Variants in HK1 observed in about 807,000 individuals in gnomAD.
HK1 encodes hexokinase 1.
Under a neutral mutation model 91.6 loss-of-function variants are expected in HK1, and 28 were observed. The ratio of observed to expected loss-of-function variants is 0.31; its 90% CI spans 0.23 to 0.42. The LOEUF is 0.42. Among genes scored for constraint, HK1 ranks in the 10% least tolerant of loss-of-function variants. The probability of loss-of-function intolerance (pLI) is 1.00; values close to 1 mark genes in which losing one functional copy is unlikely to be tolerated. For missense variants in HK1, 770 were observed against 1,219.8 expected, an observed-to-expected ratio of 0.63 and a Z score of 5.49; for synonymous variants, 430 against 468.1, an observed-to-expected ratio of 0.92 and a Z score of 1.05.
intron 1 of HK1, among the ~76,000 whole-genome samples, chr10:69,341,479 T>TA (rs1193148178): frequency 6.6e-6 from 1 of 151,822 alleles, no homozygotes; most frequent in Non-Finnish European, 1.5e-5. Context: ...ATTTTTTTTT[T>TA]TTTTAGAGAC....
rs114798064 is a variant in HK1, at chr10:69,384,564, C to T, written c.1719+83C>T. On this transcript the variant is annotated intron_variant, in intron 11 of 17. Coordinates refer to ENST00000359426, the MANE Select transcript of HK1 (RefSeq NM_000188.3). ...GTCACGTGATGACCAAAATCCGCCA[C>T]GGGGTGCCCACATGGATTTGTGTCC... 668 of 1,565,892 alleles carry T rather than the reference C, an allele frequency of 4.3e-4. 2 individuals carry two copies. The African/African-American group carries it at 7.4e-3, about 17-fold the overall frequency.
chr10:69,398,072 T>G (rs754212356), intron 16 of HK1, among the ~76,000 whole-genome samples: 9 of 152,220 alleles, frequency 5.9e-5, no homozygotes, highest in Non-Finnish European at 1.3e-4. Context: ...AGGAAAAACA[T>G]CAGAATTGCA....
Position 69,394,852 on chromosome 10 carries a change from G to T in HK1, c.2220-98G>T, listed in dbSNP as rs1011912269. On this transcript the variant is annotated intron_variant, in intron 15 of 17. Transcript: ENST00000359426. ...GCACATGGCTGTTGATGATGCGCTT[G>T]AGGGGCAGTAGGAGACGCGGAGTGA... 2.7e-5 allele frequency: 33 copies of T among 1,219,810 alleles called. No individual in the cohort carries two copies. In the Admixed American group the frequency reaches 5.7e-4, roughly 21 times the overall value. The allele number at this position is 1,219,810 out of a possible 1,614,324, so 75.6% of individuals were successfully genotyped here. A position where few individuals can be genotyped will look rare whatever the true frequency, so the allele number is the denominator to read the frequency against.
chr10:69,389,462 T>C, intron 14 of HK1, 166 bp downstream of exon 14: 4 of 461,696 alleles, frequency 8.7e-6, no homozygotes, highest in East Asian at 5.7e-5. Flanking sequence ...GGCAGCAGAG[T>C]CTCTGGCGGG....
chr10:69,320,915 T>C (rs1379617984), intron 1 of HK1, among the ~76,000 whole-genome samples: 1 of 152,126 alleles, frequency 6.6e-6, no homozygotes. Flanking sequence ...GCACAGTCTA[T>C]CTCCTAGGCC....
intron 2 of HK1, among the ~76,000 whole-genome samples, chr10:69,351,313 A>G (rs138658114): frequency 0.13 from 20,276 of 151,702 alleles, 1,548 homozygotes; most frequent in South Asian, 0.27. Flanking sequence ...TTTGAGACCA[A>G]CCTGGCCAAG....
At chr10:69,308,626 G>A (rs1432951541) in intron 5 of HK1, among the ~76,000 whole-genome samples, 2 of 152,176 alleles carry the variant, frequency 1.3e-5, no homozygotes, top group Non-Finnish European at 1.5e-5. Flanking sequence ...GCTTAGGTCA[G>A]GCAGGGCCAG....
chr10:69,322,346 T>C (rs563816443), intron 1 of HK1, among the ~76,000 whole-genome samples: 15 of 152,214 alleles, frequency 9.9e-5, no homozygotes, highest in Admixed American at 5.9e-4. Context: ...CATAAAAATA[T>C]ATCCTGGGTT....
chr10:69,328,789 G>C (rs1391985278), intron 1 of HK1, among the ~76,000 whole-genome samples: 3 of 152,036 alleles, frequency 2.0e-5, no homozygotes, highest in African/African-American at 7.2e-5. Flanking sequence ...CCCGTTAGCA[G>C]TCACTTCCCA....
Position 69,288,681 on chromosome 10 carries a change from C to G in HK1, c.-204C>G, listed in dbSNP as rs72805669. 1,988 of 1,542,528 alleles carry G rather than the reference C, an allele frequency of 1.3e-3. 3 individuals carry two copies. Among genetic ancestry groups the G allele is most frequent in the Non-Finnish European group, 1.5e-3 (1,649 of 1,114,722 alleles). Reference sequence around the variant, plus strand: ...TTGGCCTTTCTCTAGGCGTTCAAGACCCAGCTGTTGAGAGTAGAAAAGCAG... The same window carrying G: ...TTGGCCTTTCTCTAGGCGTTCAAGAGCCAGCTGTTGAGAGTAGAAAAGCAG... On this transcript the variant is annotated 5_prime_UTR_variant, in exon 3 of 22. Coordinates refer to the HK1 transcript ENST00000360289.
chr10:69,309,865 G>A (rs1484285090), intron 5 of HK1, among the ~76,000 whole-genome samples: 18 of 150,366 alleles, frequency 1.2e-4, no homozygotes, highest in Admixed American at 1.0e-3. Context: ...TGACCAACAT[G>A]GTGACACCCC....
intron 7 of HK1, among the ~76,000 whole-genome samples, chr10:69,374,467 C>T (rs537169165): frequency 1.4e-4 from 22 of 152,292 alleles, no homozygotes; most frequent in Admixed American, 5.2e-4. Flanking sequence ...GAAAAGGGCC[C>T]GGGCGTTACC....
At chr10:69,346,236 T>C (rs1848552942) in intron 2 of HK1, among the ~76,000 whole-genome samples, 1 of 152,204 alleles carries the variant, frequency 6.6e-6, no homozygotes, top group Non-Finnish European at 1.5e-5. Flanking sequence ...CTGCTTCAAC[T>C]GTAGTAATTA....
intron 4 of HK1, chr10:69,295,765 T>C: frequency 1.1e-6 from 1 of 914,232 alleles, no homozygotes; most frequent in Non-Finnish European, 1.8e-6. Flanking sequence ...GGGATAATGA[T>C]TTTCAGCCAG....
intron 8 of HK1, among the ~76,000 whole-genome samples, chr10:69,378,547 C>T (rs1224906985): frequency 6.6e-6 from 1 of 151,998 alleles, no homozygotes; most frequent in Non-Finnish European, 1.5e-5. Flanking sequence ...ATATGGAATA[C>T]CCCCAAAATA....
chr10:69,352,590 C>CT (rs1848934863), intron 2 of HK1, among the ~76,000 whole-genome samples: 1 of 152,140 alleles, frequency 6.6e-6, no homozygotes, highest in African/African-American at 2.4e-5. Flanking sequence ...GCCTTGAAAA[C>CT]CTTATGCCGG....
intron 16 of HK1, among the ~76,000 whole-genome samples, 169 bp from the exon 17 acceptor site, chr10:69,398,426 T>G (rs964102139): frequency 6.6e-6 from 1 of 152,258 alleles, no homozygotes; most frequent in South Asian, 2.1e-4. Context: ...CCAATTTTTA[T>G]TTTGCTAGAT....
chr10:69,364,492 A>T (rs1285567884), intron 3 of HK1, among the ~76,000 whole-genome samples: 1 of 152,054 alleles, frequency 6.6e-6, no homozygotes, highest in Non-Finnish European at 1.5e-5. Context: ...CATTTTTCTC[A>T]GTACCCAGAT....
intron 3 of HK1, among the ~76,000 whole-genome samples, chr10:69,289,261 G>A (rs1057438927): frequency 1.4e-4 from 22 of 152,220 alleles, no homozygotes; most frequent in African/African-American, 5.3e-4. Context: ...TGCAGCAGGG[G>A]CCACTTGTGT....
Sources: allele counts gnomAD v4.1 joint callset (sites outside exome capture counted in the v4.1 genomes callset), GRCh38; gene constraint gnomAD v4.1.1; transcripts MANE v1.5; gene names NCBI Gene and HGNC (gene_info 2026-07-23, HGNC 2026-07-21).